The following EXOC3 variants were observed in gnomAD, a reference collection of about 807,000 sequenced individuals.
EXOC3 encodes the protein SEC6-like 1.
In EXOC3, 21 loss-of-function variants were observed where a neutral mutation model predicts 73.7. The ratio of observed to expected loss-of-function variants is 0.29; its 90% CI spans 0.20 to 0.41. The LOEUF is 0.41. EXOC3 is among the 10% of genes least tolerant of loss of function. EXOC3 has a pLI of 1.00. For synonymous variants in EXOC3, 410 were observed against 389.1 expected, an observed-to-expected ratio of 1.05 and a Z score of -0.63; for missense variants, 842 against 985.1, an observed-to-expected ratio of 0.85 and a Z score of 1.95.
At position 465,153 on chromosome 5, in the gene EXOC3, C is replaced by T. The variant is rs766265971; in HGVS notation, c.1819C>T (p.Leu607=). 3.1e-6 allele frequency: 5 copies of T among 1,595,962 alleles called. No individual in the cohort carries two copies. The Admixed American group carries it at 7.0e-5, about 22-fold the overall frequency. Residue 607 remains leucine (L), a synonymous_variant, in exon 11 of 13, where the codon CTG becomes TTG. Transcript: ENST00000512944. ...GCACCGGCGCGTGGTGGTGGAGTACCTGCGGGCGGTCATGCAGAAGCGCAT... is the reference window on the plus strand; with the variant it reads ...GCACCGGCGCGTGGTGGTGGAGTACTTGCGGGCGGTCATGCAGAAGCGCAT... The part of the protein sequence containing the change: ...EAHRRVVVEY[L]RAVMQKRISF...
intron 6 of EXOC3, among the ~76,000 whole-genome samples, chr5:458,324 A>T (rs1737883279): frequency 6.6e-6 from 1 of 152,224 alleles, no homozygotes; most frequent in East Asian, 1.9e-4. Context: ...CGACTTTCAA[A>T]TGTGAGTTTG....
intron 1 of EXOC3, among the ~76,000 whole-genome samples, chr5:444,738 A>T (rs1737453949): frequency 6.6e-6 from 1 of 152,030 alleles, no homozygotes; most frequent in South Asian, 2.1e-4. Context: ...ATTTAAGGGG[A>T]GTTGCCCCTG....
At chr5:466,343 T>C (rs2434696) in intron 12 of EXOC3, 167,548 of 243,804 alleles carry the variant, frequency 0.69, 58,875 homozygotes, top group African/African-American at 0.83. Flanking sequence ...GGCCAGCCTT[T>C]GCGGCCCCTG....
chr5:454,041 A>G lies in EXOC3; in HGVS notation c.1036A>G (p.Thr346Ala). The part of the protein sequence containing the change: ...IVSLLTWVLN[T>A]YTSTEMMRNV... Reference sequence around the variant, plus strand: ...GAGCCTCTTGACGTGGGTCTTAAACACCTACACAAGGTAAAGCTAACCTGG... The same window carrying G: ...GAGCCTCTTGACGTGGGTCTTAAACGCCTACACAAGGTAAAGCTAACCTGG... Residue 346 changes from threonine to alanine, a missense_variant, in exon 4 of 13, where the codon ACC (threonine) becomes GCC (alanine). By Grantham distance (58) the Thr-to-Ala change is moderately conservative (BLOSUM62 0). Transcript: ENST00000512944. 6.2e-7 allele frequency: 1 copy of G among 1,603,690 alleles called. No individual in the cohort carries two copies. The highest frequency in any genetic ancestry group is 8.5e-7 in the Non-Finnish European group (1 of 1,175,158).
intron 3 of EXOC3, among the ~76,000 whole-genome samples, chr5:451,880 C>T (rs973138773): frequency 1.3e-5 from 2 of 152,250 alleles, no homozygotes; most frequent in Non-Finnish European, 2.9e-5. Context: ...TGTCATCCCA[C>T]TGCCTCTGGC....
At chr5:459,708 C>T (rs1013055272) in intron 7 of EXOC3, 3 of 297,732 alleles carry the variant, frequency 1.0e-5, no homozygotes, top group East Asian at 1.1e-4. Context: ...AGCGATGCGC[C>T]GGATGACACC....
intron 5 of EXOC3, 37 bp from the exon 6 acceptor site, chr5:457,861 TTC>T: frequency 6.3e-7 from 1 of 1,583,260 alleles, no homozygotes; most frequent in South Asian, 1.1e-5. Flanking sequence ...GCACCTGCTC[TTC>T]TCTCTTCTCT....
intron 9 of EXOC3, 101 bp downstream of exon 9, chr5:462,408 G>A (rs146592938): frequency 0.012 from 15,697 of 1,358,374 alleles, 217 homozygotes; most frequent in Admixed American, 0.057. Flanking sequence ...TGCGGATGCC[G>A]TCTGGGGAGC....
At chr5:461,336 C>T (rs1737977730) in intron 7 of EXOC3, among the ~76,000 whole-genome samples, 1 of 152,152 alleles carries the variant, frequency 6.6e-6, no homozygotes, top group African/African-American at 2.4e-5. Context: ...CAAGGTCGGT[C>T]AGGCACGGTG....
intron 3 of EXOC3, among the ~76,000 whole-genome samples, chr5:451,912 A>G (rs770432901): frequency 5.9e-5 from 9 of 152,332 alleles, no homozygotes; most frequent in Admixed American, 1.3e-4. Context: ...CTGGTGAGAA[A>G]TCTGATCTGC....
chr5:453,923 G>C lies in EXOC3; in HGVS notation c.918G>C (p.Glu306Asp). ...LMVQCFPPHYEIFKNLLNMYH... is the reference protein window; with the variant it reads ...LMVQCFPPHYDIFKNLLNMYH... ...TTCAGTGCTTTCCTCCCCACTATGA[G>C]ATCTTTAAGAACCTCCTGAACATGT... Residue 306 changes from glutamate to aspartate, a missense_variant, in exon 4 of 13, where the codon GAG (glutamate) becomes GAC (aspartate). Physicochemically the swap from Glu to Asp is conservative, Grantham distance 45 (BLOSUM62 2). Coordinates refer to ENST00000512944, the MANE Select transcript of EXOC3 (RefSeq NM_007277.5). 2 of 1,614,010 alleles carry C rather than the reference G, an allele frequency of 1.2e-6. No individual in the cohort carries two copies. Among genetic ancestry groups the C allele is most frequent in the Non-Finnish European group, 1.7e-6 (2 of 1,179,888 alleles).
chr5:458,173 C>T, intron 6 of EXOC3, 148 bp downstream of exon 6: 3 of 782,800 alleles, frequency 3.8e-6, no homozygotes, highest in South Asian at 1.9e-5. Flanking sequence ...TCTAAGTCCT[C>T]TCCTCTCTCT....
intron 5 of EXOC3, 79 bp downstream of exon 5, chr5:457,085 C>T (rs543436473): frequency 1.2e-5 from 12 of 998,542 alleles, no homozygotes; most frequent in Non-Finnish European, 1.9e-5. Context: ...AGGCAGGAGG[C>T]AGGGGGGAAA....
chr5:448,367 C>G (rs1346024591), intron 3 of EXOC3, among the ~76,000 whole-genome samples: 2 of 152,190 alleles, frequency 1.3e-5, no homozygotes, highest in Non-Finnish European at 2.9e-5. Context: ...TTTGTGTTCA[C>G]AGTCTCCTCC....
chr5:467,062 G>A lies in EXOC3; in HGVS notation c.*164G>A, dbSNP rs1738174321. On this transcript the variant is annotated 3_prime_UTR_variant, in exon 13 of 13. Transcript: ENST00000512944. ...CGGGTGTGCGTCGAGTGAGCGTCCC[G>A]AGGCCACGTGCGGAGGCCCCTCACT... 7 of 697,802 alleles carry A rather than the reference G, an allele frequency of 1.0e-5. No individual in the cohort carries two copies. The highest frequency in any genetic ancestry group is 4.0e-4 in the Middle Eastern group (1 of 2,508). 43.2% of individuals were successfully genotyped at this position (697,802 alleles called of 1,614,324 possible). A position where few individuals can be genotyped will look rare whatever the true frequency, so the allele number is the denominator to read the frequency against.
At chr5:457,744 G>C in intron 5 of EXOC3, 156 bp from the exon 6 acceptor site, 2 of 739,122 alleles carry the variant, frequency 2.7e-6, no homozygotes, top group Non-Finnish European at 4.3e-6. Context: ...GGTGGCTCCT[G>C]GGTCCCTGCT....
rs1242319532 is a variant in EXOC3, at chr5:462,236, G to A, written c.1582G>A (p.Asp528Asn). The A allele has an allele frequency of 5.6e-6, 9 of 1,613,978 alleles. No individual in the cohort carries two copies. Among genetic ancestry groups the A allele is most frequent in the Non-Finnish European group, 7.6e-6 (9 of 1,179,888 alleles). The part of the protein sequence containing the change: ...EGVSPSQPSM[D>N]GILDAIAKEG... ...TGTGTCTCCGAGCCAGCCCAGCATG[G>A]ACGGGATTTTAGACGCCATCGCGAA... Residue 528 changes from aspartate to asparagine, a missense_variant, in exon 9 of 13, where the codon GAC becomes AAC. By Grantham distance (23) the Asp-to-Asn change is conservative. Coordinates refer to ENST00000512944, the MANE Select transcript of EXOC3 (RefSeq NM_007277.5).
rs1579736989 is a variant in EXOC3 at position 453,549 on chromosome 5, G to A, written c.544G>A (p.Gly182Arg). The A allele has an allele frequency of 6.2e-7, 1 of 1,613,900 alleles. No individual in the cohort carries two copies. Among genetic ancestry groups the A allele is most frequent in the African/African-American group, 1.3e-5 (1 of 74,916 alleles). Reference sequence around the variant, plus strand: ...CCATGGCTACTTTGGCAGCACGCAGGGGCTCTCTGATGAGCTGGCTAAGCA... The same window carrying A: ...CCATGGCTACTTTGGCAGCACGCAGAGGCTCTCTGATGAGCTGGCTAAGCA... The part of the protein sequence containing the change: ...LIHGYFGSTQ[G>R]LSDELAKQLW... Residue 182 changes from glycine (G) to arginine (R), a missense_variant, in exon 4 of 13, where the codon GGG becomes AGG. Gly to Arg is a moderately radical substitution (Grantham distance 125, BLOSUM62 -2). Transcript: ENST00000512944.
chr5:453,340 T>C, intron 3 of EXOC3, 30 bp from the exon 4 acceptor site: 4 of 1,522,770 alleles, frequency 2.6e-6, no homozygotes, highest in Non-Finnish European at 3.6e-6. Flanking sequence ...GTGGTGGTTG[T>C]TTATGTTGTG....
Sources: gnomAD v4.1 joint callset for allele counts (sites outside exome capture counted in the v4.1 genomes callset) on GRCh38, gnomAD v4.1.1 for gene constraint, MANE v1.5 for transcripts, NCBI Gene and HGNC (gene_info 2026-07-23, HGNC 2026-07-21) for gene names.